Variants in LTBP1 observed in about 807,000 individuals in gnomAD.
LTBP1 encodes the protein latent-transforming growth factor beta-binding protein 1.
A neutral mutation model predicts 207.6 loss-of-function variants in LTBP1; 129 were observed. That is an observed-to-expected ratio of 0.62 (90% confidence interval 0.54 to 0.72). The LOEUF (loss-of-function observed/expected upper bound fraction) is 0.72, where lower values mean the gene tolerates loss of function less well. Among genes scored for constraint, LTBP1 ranks in the 30% least tolerant of loss-of-function variants. The probability of loss-of-function intolerance (pLI) is 0.00; values close to 1 mark genes in which losing one functional copy is unlikely to be tolerated. For synonymous variants in LTBP1, 963 were observed against 833.7 expected, an observed-to-expected ratio of 1.16 and a Z score of -2.67; for missense variants, 2,281 against 2,217.2, an observed-to-expected ratio of 1.03 and a Z score of -0.58.
chr2:33,345,079 A>G (rs988866046), intron 25 of LTBP1, among the ~76,000 whole-genome samples: 4 of 152,236 alleles, frequency 2.6e-5, no homozygotes, highest in Non-Finnish European at 5.9e-5. Flanking sequence ...AAAAATATTT[A>G]CTAAGCACCT....
intron 26 of LTBP1, among the ~76,000 whole-genome samples, chr2:33,357,904 C>T (rs1397670735): frequency 1.3e-5 from 2 of 152,100 alleles, no homozygotes; most frequent in Non-Finnish European, 2.9e-5. Context: ...AAATTAGTTT[C>T]CAATATAGAA....
chr2:33,048,565 T>A (rs903280435), intron 3 of LTBP1, among the ~76,000 whole-genome samples: 1 of 152,248 alleles, frequency 6.6e-6, no homozygotes, highest in African/African-American at 2.4e-5. Flanking sequence ...GTTGTACTTA[T>A]GTTTACTTCT....
chr2:32,947,486 C>G lies in LTBP1; in HGVS notation c.162C>G (p.Phe54Leu). The G allele has an allele frequency of 1.4e-6, 2 of 1,443,312 alleles. No individual in the cohort carries two copies. Among genetic ancestry groups the G allele is most frequent in the East Asian group, 6.2e-5 (2 of 32,442 alleles). The allele number at this position is 1,443,312 out of a possible 1,614,324, so 89.4% of individuals were successfully genotyped here. ...GCGGGCCCCCGCGTTCGCGGACATT[C>G]AACGTCGCGCTCAACGCCAGGTACA... Reference protein sequence around the residue: ...PLSGPPRSRTFNVALNARYSR... With the variant: ...PLSGPPRSRTLNVALNARYSR... The change falls in exon 1 of 34, where the codon TTC becomes TTG. Residue 54 changes from phenylalanine to leucine, a missense_variant. Coordinates refer to ENST00000404816, the MANE Select transcript of LTBP1 (RefSeq NM_206943.4).
At chr2:33,379,136 C>T (rs541038032) in intron 31 of LTBP1, among the ~76,000 whole-genome samples, 37 of 149,928 alleles carry the variant, frequency 2.5e-4, no homozygotes, top group Non-Finnish European at 4.7e-4. Flanking sequence ...GCTGATTGTA[C>T]ACTGCTCATT....
chr2:32,948,856 C>T lies in LTBP1; in HGVS notation c.495-19C>T, dbSNP rs1363068142. On this transcript the variant is annotated intron_variant, in intron 1 of 33. Transcript: ENST00000404816. ...GGGGTCTTTCTGCTGCTGGACTCAG[C>T]GATCTTGCTTTGTTTCAGGGTCAAT... 1.9e-6 allele frequency: 3 copies of T among 1,612,370 alleles called. No individual in the cohort carries two copies. Among genetic ancestry groups the T allele is most frequent in the Non-Finnish European group, 2.5e-6 (3 of 1,178,558 alleles).
chr2:33,069,159 C>A (rs2077657739), intron 3 of LTBP1, among the ~76,000 whole-genome samples: 1 of 152,120 alleles, frequency 6.6e-6, no homozygotes. Context: ...ACTGTTGATT[C>A]CTCTCTGTGT....
rs898690918 is a variant in LTBP1 at position 33,164,629 on chromosome 2, AT to A, written c.1202-22226del. ...ATTTTGATGTCATTTGGAATAAAAA[AT>A]GACCCAAAAAGCTCTACTGGGAAAA... is the stretch of plus-strand genomic sequence containing the variant. On this transcript the variant is annotated intron_variant, in intron 5 of 33. Transcript: ENST00000404816. 2.7e-4 allele frequency among the ~76,000 whole-genome samples: 41 copies of A among 152,174 alleles called. 1 individual carries two copies.
At chr2:33,167,454 T>A (rs2085024230) in intron 5 of LTBP1, among the ~76,000 whole-genome samples, 1 of 151,802 alleles carries the variant, frequency 6.6e-6, no homozygotes, top group African/African-American at 2.4e-5. Context: ...AAAGATGAGG[T>A]CCAAAAACTG....
intron 2 of LTBP1, among the ~76,000 whole-genome samples, chr2:32,979,996 C>G (rs896824235): frequency 1.3e-5 from 2 of 151,916 alleles, no homozygotes. Context: ...ACTATTTCTC[C>G]TCTATTTTGG....
At chr2:33,101,160 A>T (rs535973526) in intron 3 of LTBP1, among the ~76,000 whole-genome samples, 71 of 152,294 alleles carry the variant, frequency 4.7e-4, no homozygotes, top group African/African-American at 1.7e-3. Context: ...TTACAAACTC[A>T]TTAGGTATTA....
intron 2 of LTBP1, among the ~76,000 whole-genome samples, chr2:32,978,475 C>T (rs1288880906): frequency 1.3e-5 from 2 of 151,894 alleles, no homozygotes; most frequent in African/African-American, 4.8e-5. Context: ...TGGTTTTTGT[C>T]CTTCATTCTG....
intron 2 of LTBP1, among the ~76,000 whole-genome samples, chr2:32,975,898 T>C (rs2148653685): frequency 1.3e-5 from 2 of 152,302 alleles, no homozygotes; most frequent in Middle Eastern, 3.4e-3. Flanking sequence ...ATTCTATGTC[T>C]GTCATTTCAG....
At chr2:33,081,118 G>C (rs1008410564) in intron 3 of LTBP1, among the ~76,000 whole-genome samples, 1 of 70,730 alleles carries the variant, frequency 1.4e-5, no homozygotes, top group African/African-American at 3.1e-5. Flanking sequence ...AATATACTGG[G>C]GGGAACTTAG....
At position 32,947,736 on chromosome 2, in the gene LTBP1, G is replaced by A. The variant is rs749331550; in HGVS notation, c.412G>A (p.Val138Ile). The A allele has an allele frequency of 1.9e-6, 3 of 1,538,586 alleles. No homozygotes were observed. Among genetic ancestry groups the A allele is most frequent in the South Asian group, 1.2e-5 (1 of 82,594 alleles). Reference sequence around the variant, plus strand: ...CCCGTTCACCAAACAAGGCAGGCAAGTTGTGCGCTCCAAGGTGCCGCAGGA... The same window carrying A: ...CCCGTTCACCAAACAAGGCAGGCAAATTGTGCGCTCCAAGGTGCCGCAGGA... ...AAPFTKQGRQ[V>I]VRSKVPQETQ... Residue 138 changes from valine (V) to isoleucine (I), a missense_variant, in exon 1 of 34, where the codon GTT becomes ATT. Coordinates refer to ENST00000404816, the MANE Select transcript of LTBP1 (RefSeq NM_206943.4).
rs1252176260 is a variant in LTBP1, at chr2:33,057,977, C to T, written c.863+36771C>T. Among the ~76,000 whole-genome samples the T allele has an allele frequency of 2.6e-5, 4 of 152,362 alleles. No homozygotes were observed. In the South Asian group the frequency reaches 6.2e-4, roughly 24 times the overall value. On this transcript the variant is annotated intron_variant, in intron 3 of 33. Transcript: ENST00000404816. ...GCGAGGGCTGCGAGGGCTGCCAGCA[C>T]GCTGTCACCTCTCAATATCACTGTC...
At chr2:33,358,789 G>A (rs986821555) in intron 26 of LTBP1, among the ~76,000 whole-genome samples, 1 of 152,200 alleles carries the variant, frequency 6.6e-6, no homozygotes, top group Admixed American at 6.5e-5. Flanking sequence ...TATTCACCAT[G>A]TTGAGGGAGA....
At chr2:33,121,429 C>T (rs115016986) in intron 4 of LTBP1, among the ~76,000 whole-genome samples, 2,474 of 152,110 alleles carry the variant, frequency 0.016, 25 homozygotes, top group Middle Eastern at 0.054. Context: ...GGGCGGTGGT[C>T]GTTCCTGTGT....
At chr2:33,216,410 C>T (rs1558829832) in intron 7 of LTBP1, among the ~76,000 whole-genome samples, 1 of 151,992 alleles carries the variant, frequency 6.6e-6, no homozygotes, top group African/African-American at 2.4e-5. Context: ...AATAAAGAGC[C>T]CTTTGGTATG....
At chr2:33,348,535 A>G (rs768127579) in intron 26 of LTBP1, among the ~76,000 whole-genome samples, 1 of 152,116 alleles carries the variant, frequency 6.6e-6, no homozygotes, top group African/African-American at 2.4e-5. Flanking sequence ...AATTGGATCT[A>G]CAATAGCAAA....
Sources: gnomAD v4.1 joint callset for allele counts (sites outside exome capture counted in the v4.1 genomes callset) on GRCh38, gnomAD v4.1.1 for gene constraint, MANE v1.5 for transcripts, NCBI Gene and HGNC (gene_info 2026-07-23, HGNC 2026-07-21) for gene names.